The following CPVL variants were observed in gnomAD, a reference collection of about 807,000 sequenced individuals.
CPVL encodes the protein probable serine carboxypeptidase CPVL.
CPVL carries 51 observed loss-of-function variants against 63.7 expected under a neutral mutation model. The observed-to-expected ratio is 0.80, with a 90% CI of 0.64 to 1.01. CPVL has a LOEUF of 1.01. Among genes scored for constraint, CPVL ranks in the 50% least tolerant of loss-of-function variants. The pLI is 0.00. For missense variants in CPVL, 530 were observed against 573.1 expected (o/e 0.92, Z 0.77); for synonymous variants, 195 against 206.0 (o/e 0.95, Z 0.46).
At chr7:29,040,941 A>C (rs1324481435) in intron 11 of CPVL, among the ~76,000 whole-genome samples, 2 of 152,092 alleles carry the variant, frequency 1.3e-5, no homozygotes, top group Non-Finnish European at 2.9e-5. Flanking sequence ...TACCTAGAAC[A>C]GCACACTTAA....
At chr7:29,031,771 A>C (rs1788043155) in intron 11 of CPVL, among the ~76,000 whole-genome samples, 1 of 152,112 alleles carries the variant, frequency 6.6e-6, no homozygotes, top group African/African-American at 2.4e-5. Flanking sequence ...CAGTATAAGA[A>C]TTCTATAGGA....
intron 12 of CPVL, among the ~76,000 whole-genome samples, chr7:29,018,376 A>ATTTTT (rs1583999212): frequency 8.3e-6 from 1 of 120,318 alleles, no homozygotes; most frequent in Non-Finnish European, 1.7e-5. Flanking sequence ...AAAATTTTTA[A>ATTTTT]TCTTTTTTTT....
At chr7:29,169,513 G>T (rs1458559620) in intron 5 of CPVL, among the ~76,000 whole-genome samples, 1 of 152,046 alleles carries the variant, frequency 6.6e-6, no homozygotes, top group Non-Finnish European at 1.5e-5. Flanking sequence ...TTTTGTTATT[G>T]TTATATTATC....
At chr7:29,168,724 G>A (rs1796227639) in intron 5 of CPVL, among the ~76,000 whole-genome samples, 1 of 152,120 alleles carries the variant, frequency 6.6e-6, no homozygotes, top group East Asian at 1.9e-4. Context: ...TAATCAGATG[G>A]CTAAACACAC....
At chr7:29,122,419 G>C (rs1315656339) in intron 1 of CPVL, 2 of 152,244 alleles carry the variant, frequency 1.3e-5, no homozygotes. Flanking sequence ...ACATCACCTG[G>C]GGGATGGTGC....
At chr7:29,124,273 A>T (rs1789736181) in intron 1 of CPVL, among the ~76,000 whole-genome samples, 1 of 152,182 alleles carries the variant, frequency 6.6e-6, no homozygotes, top group South Asian at 2.1e-4. Flanking sequence ...AGAAAGTTGA[A>T]AAAGAAAATT....
intron 9 of CPVL, 61 bp downstream of exon 9, chr7:29,071,712 C>CGGGG: frequency 1.6e-6 from 1 of 618,250 alleles, no homozygotes. Flanking sequence ...CCTGCTCACC[C>CGGGG]GCCCTCCCTC....
intron 12 of CPVL, among the ~76,000 whole-genome samples, chr7:28,999,519 C>G (rs1017470233): frequency 1.3e-5 from 2 of 152,238 alleles, no homozygotes; most frequent in East Asian, 3.9e-4. Context: ...TGTTTAATAC[C>G]TACTCATGAC....
At chr7:29,021,506 G>C (rs1483843005) in intron 12 of CPVL, among the ~76,000 whole-genome samples, 2 of 152,086 alleles carry the variant, frequency 1.3e-5, no homozygotes, top group Non-Finnish European at 2.9e-5. Flanking sequence ...TAGAAGGAAA[G>C]GGAAGTGAAG....
Position 29,097,108 on chromosome 7 carries a change from C to T in CPVL, c.289-891G>A, listed in dbSNP as rs577160651. Among the ~76,000 whole-genome samples the T allele has an allele frequency of 9.9e-5, 15 of 151,402 alleles. No homozygotes were observed. In the East Asian group the frequency reaches 1.6e-3, roughly 16 times the overall value. On this transcript the variant is annotated intron_variant, in intron 3 of 12. Transcript: ENST00000265394. ...GGCCTTTAGCCAACGCAAATAACAA[C>T]GACAAAACCCTGAACAAGGTACAGA...
intron 3 of CPVL, among the ~76,000 whole-genome samples, chr7:29,098,940 C>T (rs1786748203): frequency 6.6e-6 from 1 of 152,124 alleles, no homozygotes; most frequent in Admixed American, 6.5e-5. Flanking sequence ...TGGCACGTGT[C>T]TGTAATACCA....
chr7:29,038,605 A>G lies in CPVL; in HGVS notation c.1138-7846T>C, dbSNP rs546806571. 1.2e-4 allele frequency among the ~76,000 whole-genome samples: 19 copies of G among 152,320 alleles called. 1 individual carries two copies. The South Asian group carries it at 3.5e-3, about 28-fold the overall frequency. ...ATGAGCTAACACTTTGCGGAGCTGT[A>G]ACCCTGAGGCACACCCCCACCCCTG... On this transcript the variant is annotated intron_variant, in intron 11 of 12. Coordinates refer to ENST00000265394, the MANE Select transcript of CPVL (RefSeq NM_031311.5).
chr7:29,162,212 TG>T (rs1795271255), intron 5 of CPVL, among the ~76,000 whole-genome samples: 1 of 152,152 alleles, frequency 6.6e-6, no homozygotes, highest in Non-Finnish European at 1.5e-5. Flanking sequence ...ACACAAAAAC[TG>T]TTCACAAATG....
chr7:29,123,190 C>T (rs1010300798), intron 1 of CPVL, among the ~76,000 whole-genome samples: 4 of 152,100 alleles, frequency 2.6e-5, no homozygotes, highest in Non-Finnish European at 4.4e-5. Flanking sequence ...CTTATTACAA[C>T]CCAATTTGGC....
At chr7:29,161,323 A>G (rs1234094194) in intron 5 of CPVL, among the ~76,000 whole-genome samples, 3 of 152,278 alleles carry the variant, frequency 2.0e-5, no homozygotes, top group Admixed American at 2.0e-4. Context: ...AACACTCCCT[A>G]TAGCACATCT....
At chr7:29,020,927 G>A (rs574319266) in intron 12 of CPVL, among the ~76,000 whole-genome samples, 1 of 152,300 alleles carries the variant, frequency 6.6e-6, no homozygotes, top group South Asian at 2.1e-4. Flanking sequence ...TGTAATCCCA[G>A]CACTTTGGGA....
chr7:29,071,742 T>TC, intron 9 of CPVL, 31 bp downstream of exon 9: 2 of 1,267,098 alleles, frequency 1.6e-6, no homozygotes, highest in Non-Finnish European at 2.1e-6. Flanking sequence ...TTTTAATTGC[T>TC]CAAGGGCAGC....
chr7:29,165,488 T>C (rs1795795288), intron 5 of CPVL, among the ~76,000 whole-genome samples: 2 of 152,212 alleles, frequency 1.3e-5, no homozygotes, highest in South Asian at 2.1e-4. Context: ...CACAGTCATG[T>C]TGTCTGTTAA....
intron 11 of CPVL, among the ~76,000 whole-genome samples, chr7:29,060,986 G>C (rs904099253): frequency 6.6e-6 from 1 of 152,166 alleles, no homozygotes; most frequent in African/African-American, 2.4e-5. Flanking sequence ...TGCCAGCTGC[G>C]TGAGTGAACA....
Sources: gnomAD v4.1 joint callset for allele counts (sites outside exome capture counted in the v4.1 genomes callset) on GRCh38, gnomAD v4.1.1 for gene constraint, MANE v1.5 for transcripts, NCBI Gene and HGNC (gene_info 2026-07-23, HGNC 2026-07-21) for gene names.